Variants in MALRD1 observed in about 807,000 individuals in gnomAD.
The protein encoded by MALRD1 is MAM and LDL-receptor class A domain-containing protein 1.
MALRD1 carries 247 observed loss-of-function variants against 242.1 expected under a neutral mutation model. That is an observed-to-expected ratio of 1.02 (90% CI 0.92 to 1.13). MALRD1 has a LOEUF of 1.13. Among genes scored for constraint, MALRD1 ranks in the 50% most tolerant of loss-of-function variants. The pLI is 0.00. For synonymous variants in MALRD1, 995 were observed against 866.6 expected (o/e 1.15, Z -2.60); for missense variants, 2,989 against 2,533.1 (o/e 1.18, Z -3.86).
intron 28 of MALRD1, among the ~76,000 whole-genome samples, chr10:19,431,311 C>A (rs553393306): frequency 4.6e-5 from 7 of 151,876 alleles, no homozygotes; most frequent in African/African-American, 1.7e-4. Flanking sequence ...GTTTATACTT[C>A]TTTTTTTTCA....
At chr10:19,173,435 A>G (rs1368304058) in intron 13 of MALRD1, among the ~76,000 whole-genome samples, 1 of 152,142 alleles carries the variant, frequency 6.6e-6, no homozygotes, top group Admixed American at 6.6e-5. Context: ...TCATGTGTAT[A>G]CCTTTGAGTG....
chr10:19,174,307 AAGGCAGAGAGG>A (rs1380903387), intron 13 of MALRD1, among the ~76,000 whole-genome samples: 1 of 152,162 alleles, frequency 6.6e-6, no homozygotes, highest in African/African-American at 2.4e-5. Context: ...AAGAGAGGGG[AAGGCAGAGAGG>A]GACTCCAAGG....
chr10:19,598,713 G>A (rs1838222308), intron 34 of MALRD1, among the ~76,000 whole-genome samples: 1 of 152,072 alleles, frequency 6.6e-6, no homozygotes, highest in African/African-American at 2.4e-5. Flanking sequence ...AGGTTACATG[G>A]CCATCAGCGT....
chr10:19,408,603 G>T (rs965269386), intron 28 of MALRD1, among the ~76,000 whole-genome samples: 1 of 151,916 alleles, frequency 6.6e-6, no homozygotes, highest in Non-Finnish European at 1.5e-5. Flanking sequence ...TTAGAAAATG[G>T]GCAAAAGATA....
At chr10:19,592,313 C>G (rs188340351) in intron 33 of MALRD1, among the ~76,000 whole-genome samples, 1 of 152,328 alleles carries the variant, frequency 6.6e-6, no homozygotes, top group East Asian at 1.9e-4. Flanking sequence ...GAGGCTCAGC[C>G]GATACCACGG....
chr10:19,121,336 A>C (rs967417359), intron 5 of MALRD1, among the ~76,000 whole-genome samples: 4 of 151,874 alleles, frequency 2.6e-5, no homozygotes, highest in Non-Finnish European at 5.9e-5. Flanking sequence ...CACTGTGCCC[A>C]GCCTACTTGT....
chr10:19,659,158 A>G (rs780896456), intron 36 of MALRD1, among the ~76,000 whole-genome samples: 13 of 152,288 alleles, frequency 8.5e-5, no homozygotes, highest in South Asian at 6.2e-4. Flanking sequence ...TCAATATGTC[A>G]GTTGCTTTAG....
chr10:19,101,396 GT>G (rs1446322769), intron 4 of MALRD1, among the ~76,000 whole-genome samples: 12 of 139,318 alleles, frequency 8.6e-5, no homozygotes, highest in Non-Finnish European at 1.5e-4. Flanking sequence ...TATGTATATT[GT>G]ATTATTCATA....
chr10:19,058,202 C>T (rs1476043032), intron 1 of MALRD1, among the ~76,000 whole-genome samples: 1 of 152,170 alleles, frequency 6.6e-6, no homozygotes, highest in African/African-American at 2.4e-5. Flanking sequence ...AGAGCTGTTC[C>T]ATGGAGCAGC....
chr10:19,402,819 C>T (rs566383774), intron 28 of MALRD1, among the ~76,000 whole-genome samples: 8 of 152,012 alleles, frequency 5.3e-5, no homozygotes, highest in African/African-American at 1.9e-4. Context: ...TCCATCCTTC[C>T]CCCACCAAAC....
intron 21 of MALRD1, among the ~76,000 whole-genome samples, chr10:19,308,612 C>T (rs1177689939): frequency 6.6e-6 from 1 of 151,464 alleles, no homozygotes; most frequent in Non-Finnish European, 1.5e-5. Context: ...ACTTGAGATG[C>T]TACCATATCT....
chr10:19,490,620 C>A (rs1837449426), intron 29 of MALRD1, among the ~76,000 whole-genome samples: 1 of 151,930 alleles, frequency 6.6e-6, no homozygotes. Flanking sequence ...TAGCAGGACT[C>A]TGCTCAGTGC....
At chr10:19,203,954 T>C in intron 15 of MALRD1, 74 bp downstream of exon 15, 1 of 1,507,878 alleles carries the variant, frequency 6.6e-7, no homozygotes, top group Non-Finnish European at 9.0e-7. Context: ...AAAGGAAAGC[T>C]AGTACGGTTC....
chr10:19,454,713 T>TATAC (rs1835543983), intron 29 of MALRD1, among the ~76,000 whole-genome samples: 1 of 132,330 alleles, frequency 7.6e-6, no homozygotes, highest in Non-Finnish European at 1.6e-5. Flanking sequence ...CGTGCACACG[T>TATAC]ACACACACAC....
At chr10:19,428,972 A>G (rs916922106) in intron 28 of MALRD1, among the ~76,000 whole-genome samples, 25 of 152,222 alleles carry the variant, frequency 1.6e-4, no homozygotes, top group African/African-American at 6.0e-4. Context: ...TCCATTGAAC[A>G]TAAATAGCCA....
chr10:19,113,452 C>T (rs1240372676), intron 5 of MALRD1, among the ~76,000 whole-genome samples: 1 of 151,762 alleles, frequency 6.6e-6, no homozygotes, highest in Non-Finnish European at 1.5e-5. Flanking sequence ...TCTTCTTCTT[C>T]TCATTTTTCC....
intron 29 of MALRD1, among the ~76,000 whole-genome samples, chr10:19,452,539 T>A (rs1224954162): frequency 6.6e-6 from 1 of 152,230 alleles, no homozygotes; most frequent in Non-Finnish European, 1.5e-5. Flanking sequence ...CATTGGTTTT[T>A]AACAGCCCAG....
chr10:19,052,615 C>G (rs2131201382), intron 1 of MALRD1, among the ~76,000 whole-genome samples: 1 of 152,278 alleles, frequency 6.6e-6, no homozygotes, highest in South Asian at 2.1e-4. Context: ...CAACAGCCCT[C>G]TAGCCCAGGG....
chr10:19,247,923 G>A (rs1839135381), intron 18 of MALRD1, among the ~76,000 whole-genome samples: 2 of 152,054 alleles, frequency 1.3e-5, no homozygotes, highest in Admixed American at 6.6e-5. Flanking sequence ...GAAGTTCAGA[G>A]AGCTCCACCC....
Sources: gnomAD v4.1 joint callset for allele counts (sites outside exome capture counted in the v4.1 genomes callset) on GRCh38, gnomAD v4.1.1 for gene constraint, MANE v1.5 for transcripts, NCBI Gene and HGNC (gene_info 2026-07-23, HGNC 2026-07-21) for gene names.